The following PIEZO2 variants were observed in gnomAD, a reference collection of about 807,000 sequenced individuals.
The protein encoded by PIEZO2 is piezo-type mechanosensitive ion channel component 2.
A neutral mutation model predicts 337.3 loss-of-function variants in PIEZO2; 172 were observed. The observed-to-expected ratio is 0.51, with a 90% CI of 0.45 to 0.58. The LOEUF is 0.58. PIEZO2 is among the 20% of genes least tolerant of loss of function. The pLI, the probability that PIEZO2 is intolerant of heterozygous loss-of-function variation, is 0.00. For missense variants in PIEZO2, 3,028 were observed against 3,391.3 expected (o/e 0.89, Z 2.66); for synonymous variants, 1,251 against 1,228.5 (o/e 1.02, Z -0.38).
chr18:10,913,302 G>A (rs1257371139), intron 3 of PIEZO2, among the ~76,000 whole-genome samples: 2 of 152,090 alleles, frequency 1.3e-5, no homozygotes, highest in Admixed American at 6.5e-5. Flanking sequence ...CGTGGCAACT[G>A]CCTGCCTAGA....
At chr18:10,691,435 A>G (rs2034822253) in intron 47 of PIEZO2, 52 bp from the exon 48 acceptor site, 1 of 1,561,120 alleles carries the variant, frequency 6.4e-7, no homozygotes, top group African/African-American at 1.4e-5. Context: ...TTCTGAAACA[A>G]AAGGATGGCA....
chr18:10,773,998 G>T lies in PIEZO2; in HGVS notation c.2567+8C>A, dbSNP rs1019929119. ...GCAAGCATTTCATGGCTTCACAGGG[G>T]GACTTACTCATTTTGGTGGATTGGT... On this transcript the variant is annotated splice_region_variant and intron_variant, in intron 19 of 55. Coordinates refer to ENST00000674853, the MANE Select transcript of PIEZO2 (RefSeq NM_001378183.1). The surrounding 1 kb of genome is among the most constrained non-coding windows in gnomAD (Gnocchi z 5.3). The T allele has an allele frequency of 2.8e-6, 2 of 702,980 alleles. No individual in the cohort carries two copies. The highest frequency in any genetic ancestry group is 5.2e-6 in the Non-Finnish European group (2 of 384,982). 43.5% of individuals were successfully genotyped at this position (702,980 alleles called of 1,614,324 possible). A position where few individuals can be genotyped will look rare whatever the true frequency, so the allele number is the denominator to read the frequency against.
chr18:10,887,086 T>TTC (rs1318921354), intron 4 of PIEZO2, among the ~76,000 whole-genome samples: 384 of 144,780 alleles, frequency 2.7e-3, no homozygotes, highest in Non-Finnish European at 4.0e-3. Context: ...TTTTTTTTTT[T>TTC]TGAGACAGAG....
chr18:10,880,779 G>A (rs1443554270), intron 4 of PIEZO2, among the ~76,000 whole-genome samples: 3 of 143,188 alleles, frequency 2.1e-5, no homozygotes, highest in African/African-American at 7.9e-5. Flanking sequence ...TTTAAAGGCA[G>A]ACAAATAGCA....
At chr18:10,831,450 C>T (rs79689920) in intron 7 of PIEZO2, among the ~76,000 whole-genome samples, 2,900 of 152,278 alleles carry the variant, frequency 0.019, 105 homozygotes, top group African/African-American at 0.066. Flanking sequence ...CATATTCTCA[C>T]TCACATGTGG....
chr18:10,675,701 G>C (rs1384615016), intron 53 of PIEZO2, among the ~76,000 whole-genome samples: 1 of 152,140 alleles, frequency 6.6e-6, no homozygotes, highest in African/African-American at 2.4e-5. Context: ...TGGTTTGGTT[G>C]TGTCCCCACC....
intron 2 of PIEZO2, among the ~76,000 whole-genome samples, chr18:10,983,478 G>T (rs114896056): frequency 6.6e-6 from 1 of 152,068 alleles, no homozygotes; most frequent in South Asian, 2.1e-4. Context: ...TAATTTTTGC[G>T]GTCTTGTGAA....
At chr18:11,141,238 G>A (rs532958412) in intron 1 of PIEZO2, among the ~76,000 whole-genome samples, 32 of 152,302 alleles carry the variant, frequency 2.1e-4, no homozygotes, top group African/African-American at 6.7e-4. Context: ...CCTATTTGCC[G>A]CCAGTCAGGA....
intron 7 of PIEZO2, among the ~76,000 whole-genome samples, chr18:10,816,009 C>T (rs1489393719): frequency 6.6e-6 from 1 of 152,170 alleles, no homozygotes; most frequent in African/African-American, 2.4e-5. Flanking sequence ...GCGGGAAACA[C>T]AACACAGGTA....
chr18:10,995,689 T>G (rs2035295433), intron 2 of PIEZO2, among the ~76,000 whole-genome samples: 1 of 152,208 alleles, frequency 6.6e-6, no homozygotes, highest in Non-Finnish European at 1.5e-5. Flanking sequence ...CTGTTAACTG[T>G]CAGTCAAAGC....
In PIEZO2 at chr18:11,048,523, G is replaced by T. The variant is rs1283584030; in HGVS notation, c.160+17604C>A. On this transcript the variant is annotated intron_variant, in intron 2 of 55. Transcript: ENST00000674853. This position sits in a 1 kb window ranked among gnomAD's most constrained non-coding sequence, Gnocchi z 4.5. ...TAATTGTCTACTTACATGTTGGAAG[G>T]CAAGTGCCCAACATGCATAATCTCT... 6.6e-6 allele frequency among the ~76,000 whole-genome samples: 1 copy of T among 152,208 alleles called. No individual in the cohort carries two copies. Among genetic ancestry groups the T allele is most frequent in the Non-Finnish European group, 1.5e-5 (1 of 68,030 alleles).
rs28605566 is a variant in PIEZO2, at chr18:10,785,103, T to C, written c.2319-146A>G. On this transcript the variant is annotated intron_variant, in intron 16 of 55. Coordinates refer to ENST00000674853, the MANE Select transcript of PIEZO2 (RefSeq NM_001378183.1). ...TCTCTCCCATATGGTCCAATATGGC[T>C]TTCGTTTCCACCAAGCCAGCTAACC... The C allele has an allele frequency of 0.42, 340,628 of 809,876 alleles. 76,690 individuals are homozygous for C. The highest frequency in any genetic ancestry group is 0.71 in the East Asian group (24,535 of 34,436). 50.2% of individuals were successfully genotyped at this position (809,876 alleles called of 1,614,324 possible). A position where few individuals can be genotyped will look rare whatever the true frequency, so the allele number is the denominator to read the frequency against.
chr18:11,129,099 C>A lies in PIEZO2; in HGVS notation c.64+19426G>T, dbSNP rs1239736178. 1.3e-5 allele frequency among the ~76,000 whole-genome samples: 2 copies of A among 152,128 alleles called. No individual in the cohort carries two copies. The highest frequency in any genetic ancestry group is 2.4e-5 in the African/African-American group (1 of 41,426). ...TCAGTTTAATGTAGAGGAAGGGATC[C>A]AAAGGCTTAGGGAGATTGGGATGGT... is the stretch of plus-strand genomic sequence containing the variant. On this transcript the variant is annotated intron_variant, in intron 1 of 55. Transcript: ENST00000674853. The surrounding 1 kb of genome is among the most constrained non-coding windows in gnomAD (Gnocchi z 4.6).
intron 4 of PIEZO2, among the ~76,000 whole-genome samples, chr18:10,871,705 T>G (rs1449640440): frequency 2.0e-5 from 3 of 152,212 alleles, no homozygotes; most frequent in Non-Finnish European, 4.4e-5. Context: ...ATAAACCACA[T>G]GTCCAGTACA....
At chr18:10,892,103 A>G (rs2042774317) in intron 4 of PIEZO2, among the ~76,000 whole-genome samples, 2 of 152,300 alleles carry the variant, frequency 1.3e-5, no homozygotes, top group South Asian at 4.1e-4. Flanking sequence ...CCTGCCTGCA[A>G]ACATTCATAG....
chr18:10,787,121 T>G lies in PIEZO2; in HGVS notation c.2233A>C (p.Met745Leu). ...YFWMSVVIYT[M>L]LVLIFIYTYQ... ...GTGTATATAAAGATAAGCACCAGCA[T>G]AGTGTAAATAACCACTGACATCCAA... The change falls in exon 16 of 56, where the codon ATG (methionine) becomes CTG (leucine). Residue 745 changes from methionine (M) to leucine (L), a missense_variant. Coordinates refer to ENST00000674853, the MANE Select transcript of PIEZO2 (RefSeq NM_001378183.1). 1.3e-6 allele frequency: 2 copies of G among 1,535,944 alleles called. No individual in the cohort carries two copies. Among genetic ancestry groups the G allele is most frequent in the Non-Finnish European group, 1.7e-6 (2 of 1,146,048 alleles).
At chr18:10,734,898 C>G (rs1479107030) in intron 35 of PIEZO2, among the ~76,000 whole-genome samples, 1 of 152,188 alleles carries the variant, frequency 6.6e-6, no homozygotes, top group Non-Finnish European at 1.5e-5. Flanking sequence ...CTCATCAGAA[C>G]TGATTCATGC....
At chr18:10,734,014 C>A (rs969007518) in intron 35 of PIEZO2, among the ~76,000 whole-genome samples, 1 of 152,094 alleles carries the variant, frequency 6.6e-6, no homozygotes, top group African/African-American at 2.4e-5. Flanking sequence ...ACAGGGAGAG[C>A]TTTATCAAAG....
At chr18:10,803,273 A>C (rs10459982) in intron 9 of PIEZO2, among the ~76,000 whole-genome samples, 124,184 of 152,190 alleles carry the variant, frequency 0.82, 50,697 homozygotes, top group East Asian at 0.93. Context: ...GTATGCCATG[A>C]GTAAAAAGCA....
Sources: gnomAD v4.1 joint callset for allele counts (sites outside exome capture counted in the v4.1 genomes callset) on GRCh38, gnomAD v4.1.1 for gene constraint, Gnocchi (gnomAD v3.1) non-coding constraint, MANE v1.5 for transcripts, NCBI Gene and HGNC (gene_info 2026-07-23, HGNC 2026-07-21) for gene names.